DPP10: variants seen among roughly 807,000 people sequenced by gnomAD.
The protein encoded by DPP10 is inactive dipeptidyl peptidase 10.
DPP10 carries 33 observed loss-of-function variants against 120.9 expected under a neutral mutation model. That is an observed-to-expected ratio of 0.27 (90% confidence interval 0.21 to 0.37). DPP10 has a LOEUF of 0.37. Among genes scored for constraint, DPP10 ranks in the 10% least tolerant of loss-of-function variants. DPP10 has a pLI of 1.00. For synonymous variants in DPP10, 337 were observed against 326.1 expected, an observed-to-expected ratio of 1.03 and a Z score of -0.36; for missense variants, 816 against 942.8, an observed-to-expected ratio of 0.87 and a Z score of 1.76.
chr2:115,539,994 G>T (rs1250793866), intron 5 of DPP10, among the ~76,000 whole-genome samples: 1 of 151,874 alleles, frequency 6.6e-6, no homozygotes, highest in African/African-American at 2.4e-5. Context: ...GTTAAAGGTT[G>T]TGTGTTAGTA....
At chr2:114,886,435 TATG>T (rs1040240884) in intron 1 of DPP10, among the ~76,000 whole-genome samples, 3 of 152,188 alleles carry the variant, frequency 2.0e-5, no homozygotes, top group East Asian at 1.9e-4. Context: ...TTTTTATCGA[TATG>T]ATGATATTTT....
At chr2:114,822,535 T>C (rs1034821217) in intron 1 of DPP10, among the ~76,000 whole-genome samples, 1 of 152,202 alleles carries the variant, frequency 6.6e-6, no homozygotes, top group Non-Finnish European at 1.5e-5. Context: ...TGCAAATTAC[T>C]GTAGCAGGGT....
chr2:114,996,879 G>A (rs930856815), intron 1 of DPP10, among the ~76,000 whole-genome samples: 8 of 150,684 alleles, frequency 5.3e-5, no homozygotes, highest in South Asian at 2.1e-4. Context: ...CTACTCGGGA[G>A]TCTGAGGCAG....
chr2:114,444,889 G>A (rs138220594), intron 1 of DPP10, among the ~76,000 whole-genome samples: 1 of 152,146 alleles, frequency 6.6e-6, no homozygotes. Context: ...TATTAAGGGA[G>A]TAATTACTTG....
intron 1 of DPP10, among the ~76,000 whole-genome samples, chr2:115,283,145 C>A (rs1418667457): frequency 6.6e-6 from 1 of 152,042 alleles, no homozygotes; most frequent in African/African-American, 2.4e-5. Flanking sequence ...TGGCCTATTT[C>A]CCAAGTGCAA....
At chr2:115,653,501 C>T (rs182867798) in intron 5 of DPP10, among the ~76,000 whole-genome samples, 69 of 152,074 alleles carry the variant, frequency 4.5e-4, no homozygotes, top group African/African-American at 1.5e-3. Context: ...TTCCTTTGTA[C>T]TTTATTTAAT....
intron 1 of DPP10, among the ~76,000 whole-genome samples, chr2:114,985,899 A>G (rs1700364391): frequency 6.6e-6 from 1 of 152,332 alleles, no homozygotes; most frequent in South Asian, 2.1e-4. Flanking sequence ...TAATTAAAAT[A>G]TAGGTGTTTA....
chr2:115,562,175 G>T (rs936474633), intron 5 of DPP10, among the ~76,000 whole-genome samples: 1 of 152,182 alleles, frequency 6.6e-6, no homozygotes, highest in African/African-American at 2.4e-5. Context: ...TCATCGGGCT[G>T]TACAAATCCT....
chr2:115,064,383 G>A (rs1451423860), intron 1 of DPP10, among the ~76,000 whole-genome samples: 4 of 152,140 alleles, frequency 2.6e-5, no homozygotes, highest in African/African-American at 4.8e-5. Flanking sequence ...GTGCCATGGG[G>A]CTGAGCATTA....
At chr2:114,728,767 G>A (rs1036261880) in intron 1 of DPP10, among the ~76,000 whole-genome samples, 5 of 152,204 alleles carry the variant, frequency 3.3e-5, no homozygotes, top group African/African-American at 9.6e-5. Context: ...TACACATACA[G>A]TGTCTCATTC....
intron 1 of DPP10, among the ~76,000 whole-genome samples, chr2:114,480,882 CAAAAAACAA>C (rs1680976766): frequency 1.3e-5 from 2 of 149,262 alleles, no homozygotes; most frequent in South Asian, 4.2e-4. Context: ...GTACACCCCC[CAAAAAACAA>C]AAAAAACAAA....
chr2:114,679,248 T>C (rs1168940840), intron 1 of DPP10, among the ~76,000 whole-genome samples: 2 of 152,110 alleles, frequency 1.3e-5, no homozygotes, highest in South Asian at 2.1e-4. Flanking sequence ...TGAGCTCTGT[T>C]GTAATACAAA....
intron 1 of DPP10, among the ~76,000 whole-genome samples, chr2:114,834,646 A>ACCTATGTATATATATAGGCCATATCTACG (rs1687504332): frequency 4.2e-5 from 2 of 47,188 alleles, no homozygotes; most frequent in Non-Finnish European, 1.1e-4. Flanking sequence ...CCATATCTAC[A>ACCTATGTATATATATAGGCCATATCTACG]CACCTATGTA....
At chr2:115,813,781 T>C (rs114277516) in intron 19 of DPP10, among the ~76,000 whole-genome samples, 1,969 of 152,246 alleles carry the variant, frequency 0.013, 46 homozygotes, top group African/African-American at 0.043. Flanking sequence ...ATTTGTGTAT[T>C]TGGGGCTTCT....
At chr2:115,107,401 A>C (rs1054717517) in intron 1 of DPP10, among the ~76,000 whole-genome samples, 1 of 143,206 alleles carries the variant, frequency 7.0e-6, no homozygotes, top group Admixed American at 7.0e-5. Flanking sequence ...AACAATAAAA[A>C]GTTTGTGGGA....
chr2:114,750,712 C>T (rs1333958615), intron 1 of DPP10, among the ~76,000 whole-genome samples: 2 of 152,202 alleles, frequency 1.3e-5, no homozygotes, highest in African/African-American at 4.8e-5. Context: ...GCCAGCCAGC[C>T]TATTCTACCA....
chr2:115,705,806 G>A (rs755419634), intron 7 of DPP10, among the ~76,000 whole-genome samples: 8 of 151,770 alleles, frequency 5.3e-5, no homozygotes, highest in Non-Finnish European at 1.0e-4. Context: ...TTTAGTTGCA[G>A]GGTATAAAAA....
Position 115,689,754 on chromosome 2 carries a change from T to G in DPP10, c.494+15T>G. The stretch of plus-strand genomic sequence containing the variant: ...ATACACACTAGGTAAGTTCTTTGAT[T>G]TTCTAGTTTTCATGAGCAATTGTGT... On this transcript the variant is annotated intron_variant, in intron 6 of 25. Coordinates refer to ENST00000410059, the MANE Select transcript of DPP10 (RefSeq NM_020868.6). The G allele has an allele frequency of 6.2e-7, 1 of 1,605,900 alleles. No individual in the cohort carries two copies. The highest frequency in any genetic ancestry group is 1.7e-4 in the Middle Eastern group (1 of 6,024).
intron 16 of DPP10, 66 bp downstream of exon 16, chr2:115,781,061 T>C (rs1682707419): frequency 2.3e-6 from 3 of 1,290,460 alleles, no homozygotes; most frequent in Non-Finnish European, 3.2e-6. Flanking sequence ...TATCTGTTGG[T>C]ATCAGCAACT....
Sources: allele counts gnomAD v4.1 joint callset (sites outside exome capture counted in the v4.1 genomes callset), GRCh38; gene constraint gnomAD v4.1.1; transcripts MANE v1.5; gene names NCBI Gene and HGNC (gene_info 2026-07-23, HGNC 2026-07-21).